Variants in DST observed in about 807,000 individuals in gnomAD.
DST encodes the protein bullous pemphigoid antigen.
In DST, 253 loss-of-function variants were observed where a neutral mutation model predicts 875.2. That is an observed-to-expected ratio of 0.29 (90% CI 0.26 to 0.32). DST has a LOEUF of 0.32. DST is among the 10% of genes least tolerant of loss of function. DST has a pLI of 1.00. For missense variants in DST, 8,287 were observed against 9,111.6 expected (o/e 0.91, Z 3.68); for synonymous variants, 3,124 against 3,197.1 (o/e 0.98, Z 0.77).
At position 56,634,513 on chromosome 6, in the gene DST, A is replaced by G. The variant is rs1228652988; in HGVS notation, c.3443T>C (p.Val1148Ala). Reference sequence around the variant, plus strand: ...GTTTGGTGGAGGAACGGTGAAGCACACAGATGGGACCATAGCCTCATTCCC... The same window carrying G: ...GTTTGGTGGAGGAACGGTGAAGCACGCAGATGGGACCATAGCCTCATTCCC... ...PTGNEAMVPS[V>A]CFTVPPPNKE... The change falls in exon 26 of 104, where the codon GTG (valine) becomes GCG (alanine). Residue 1148 changes from valine (V) to alanine (A), a missense_variant. Val to Ala is a moderately conservative substitution (Grantham distance 64, BLOSUM62 0). This residue lies in a region of DST where 1,160 missense variants were observed against 1,424.3 expected (regional missense o/e 0.81). Coordinates refer to ENST00000680361, the MANE Select transcript of DST (RefSeq NM_001374736.1). The G allele has an allele frequency of 1.9e-6, 3 of 1,614,206 alleles. No homozygotes were observed. The African/African-American group carries it at 4.0e-5, about 22-fold the overall frequency.
Position 56,620,203 on chromosome 6 carries a change from T to C in DST, c.4929+4327A>G, listed in dbSNP as rs1259457178. 5.6e-6 allele frequency: 9 copies of C among 1,613,598 alleles called. No individual in the cohort carries two copies. Among genetic ancestry groups the C allele is most frequent in the Non-Finnish European group, 6.8e-6 (8 of 1,179,900 alleles). On this transcript the variant is annotated intron_variant, in intron 36 of 103. Transcript: ENST00000680361. ...CTTCCTCATTGTCTCTCTTTCTTCT[T>C]AATTCTTCCATTAATTTATTTTTTT... is the stretch of plus-strand genomic sequence containing the variant.
rs2095966669 is a variant in DST, at chr6:56,497,675, T to G, written c.20095-168A>C. The G allele has an allele frequency of 3.1e-6, 3 of 962,794 alleles. No individual in the cohort carries two copies. In the South Asian group the frequency reaches 5.4e-5, roughly 17 times the overall value. The allele number at this position is 962,794 out of a possible 1,614,324, so 59.6% of individuals were successfully genotyped here. A position where few individuals can be genotyped will look rare whatever the true frequency, so the allele number is the denominator to read the frequency against. On this transcript the variant is annotated intron_variant, in intron 81 of 103. Coordinates refer to ENST00000680361, the MANE Select transcript of DST (RefSeq NM_001374736.1). The stretch of plus-strand genomic sequence containing the variant: ...TCAGGAGAGCTCTAGTAGATAAGAG[T>G]ATTATGCTAAGAACTAGAAAGCTGT...
intron 4 of DST, among the ~76,000 whole-genome samples, chr6:56,849,741 T>C (rs1000209829): frequency 6.6e-6 from 1 of 152,196 alleles, no homozygotes; most frequent in African/African-American, 2.4e-5. Context: ...AACAAACACC[T>C]GCCCTGTCTT....
chr6:56,729,815 G>A (rs972792048), intron 5 of DST, among the ~76,000 whole-genome samples: 1 of 152,070 alleles, frequency 6.6e-6, no homozygotes, highest in Non-Finnish European at 1.5e-5. Context: ...TTGATTTGGT[G>A]GAGTCATGAA....
Position 56,608,072 on chromosome 6 carries a change from C to T in DST, c.6556G>A (p.Glu2186Lys). Residue 2186 changes from glutamate (E) to lysine (K), a missense_variant, in exon 40 of 104, where the codon GAA becomes AAA. Physicochemically the swap from Glu to Lys is moderately conservative, Grantham distance 56 (BLOSUM62 1). This residue lies in a region of DST where 3,138 missense variants were observed against 3,116.6 expected (regional missense o/e 1.01). Transcript: ENST00000680361. ...YRQEEDVFDG[E>K]EPVTTQTSEE... ...GAGGTCTGAGTAGTGACAGGTTCTT[C>T]TCCATCAAAAACATCCTCTTCTTGT... 1.2e-6 allele frequency: 2 copies of T among 1,613,556 alleles called. No homozygotes were observed. Among genetic ancestry groups the T allele is most frequent in the Non-Finnish European group, 1.7e-6 (2 of 1,179,686 alleles).
chr6:56,637,490 T>C (rs760744604), intron 22 of DST, among the ~76,000 whole-genome samples: 4 of 152,152 alleles, frequency 2.6e-5, no homozygotes, highest in East Asian at 1.9e-4. Context: ...CACAGAAATA[T>C]ATGGTTATGT....
chr6:56,733,293 C>CT (rs2152927536), intron 5 of DST, among the ~76,000 whole-genome samples: 1 of 152,204 alleles, frequency 6.6e-6, no homozygotes, highest in Non-Finnish European at 1.5e-5. Flanking sequence ...CAAACTGTAG[C>CT]TTTTTCTAAA....
At chr6:56,865,527 G>A (rs1591836328) in intron 3 of DST, among the ~76,000 whole-genome samples, 6 of 152,014 alleles carry the variant, frequency 3.9e-5, no homozygotes, top group African/African-American at 1.5e-4. Context: ...GAAGAGATGG[G>A]GGAAGAGTGG....
At chr6:56,715,105 T>C (rs56196625) in intron 5 of DST, among the ~76,000 whole-genome samples, 12,436 of 152,232 alleles carry the variant, frequency 0.082, 1,580 homozygotes, top group African/African-American at 0.27. Flanking sequence ...ACCTACACTT[T>C]GCATTTGACC....
intron 2 of DST, among the ~76,000 whole-genome samples, chr6:56,915,202 C>T (rs567148119): frequency 2.6e-5 from 4 of 152,280 alleles, no homozygotes; most frequent in South Asian, 2.1e-4. Flanking sequence ...CACTAGTGAC[C>T]ATGTCTACAA....
At chr6:56,794,933 T>G (rs573411029) in intron 4 of DST, among the ~76,000 whole-genome samples, 1 of 152,204 alleles carries the variant, frequency 6.6e-6, no homozygotes, top group South Asian at 2.1e-4. Context: ...CCAGATCCTA[T>G]GGTAAAGGCT....
At chr6:56,619,817 A>G in intron 36 of DST, 1 of 1,614,122 alleles carries the variant, frequency 6.2e-7, no homozygotes. Context: ...TTTATCTTTT[A>G]GCAAACGAGC....
chr6:56,485,089 T>C (rs1037743194), intron 88 of DST: 3 of 469,756 alleles, frequency 6.4e-6, no homozygotes, highest in African/African-American at 4.0e-5. Context: ...GATCTGGTAA[T>C]TAAAAGCAAA....
chr6:56,485,035 G>T, intron 88 of DST: 1 of 346,244 alleles, frequency 2.9e-6, no homozygotes, highest in Non-Finnish European at 5.2e-6. Flanking sequence ...CTGTTTTAAA[G>T]CACCAGAGAA....
intron 49 of DST, among the ~76,000 whole-genome samples, chr6:56,584,523 A>G (rs1389767493): frequency 6.6e-6 from 1 of 150,412 alleles, no homozygotes. Flanking sequence ...TAGATATACA[A>G]TCATGTTGCC....
At chr6:56,950,312 G>T (rs1206725477) in intron 2 of DST, among the ~76,000 whole-genome samples, 17 of 152,110 alleles carry the variant, frequency 1.1e-4, no homozygotes, top group Admixed American at 1.1e-3. Flanking sequence ...CATGAATAGG[G>T]ATTATTTACC....
chr6:56,828,612 G>A (rs1431375240), intron 4 of DST, among the ~76,000 whole-genome samples: 1 of 152,226 alleles, frequency 6.6e-6, no homozygotes, highest in Non-Finnish European at 1.5e-5. Flanking sequence ...AGGAGACTGA[G>A]CAATGTGAAG....
chr6:56,687,820 T>C (rs578056358), intron 9 of DST, among the ~76,000 whole-genome samples: 5 of 150,456 alleles, frequency 3.3e-5, no homozygotes, highest in African/African-American at 9.7e-5. Flanking sequence ...CTTCACAAAA[T>C]ATTTTTAACT....
At chr6:56,801,485 C>T (rs1257902809) in intron 4 of DST, among the ~76,000 whole-genome samples, 3 of 152,050 alleles carry the variant, frequency 2.0e-5, no homozygotes, top group Non-Finnish European at 4.4e-5. Flanking sequence ...ACATATTATT[C>T]ACAAGCTAGT....
Sources: gnomAD v4.1 joint callset for allele counts (sites outside exome capture counted in the v4.1 genomes callset) on GRCh38, gnomAD v4.1.1 for gene constraint, gnomAD v4.1.1 regional missense constraint, MANE v1.5 for transcripts, NCBI Gene and HGNC (gene_info 2026-07-23, HGNC 2026-07-21) for gene names.